The following PIEZO1 variants were observed in gnomAD, a reference collection of about 807,000 sequenced individuals.
PIEZO1 encodes piezo type mechanosensitive ion channel component 1 (Er blood group), also known as piezo-type mechanosensitive ion channel component 1.
A neutral mutation model predicts 297.2 loss-of-function variants in PIEZO1; 296 were observed. The observed-to-expected ratio is 1.00, with a 90% CI of 0.91 to 1.10. PIEZO1 has a LOEUF of 1.10. Among genes scored for constraint, PIEZO1 ranks in the 50% least tolerant of loss-of-function variants. The pLI is 0.00. For missense variants in PIEZO1, 5,018 were observed against 3,455.5 expected (o/e 1.45, Z -11.34); for synonymous variants, 2,427 against 1,507.5 (o/e 1.61, Z -14.13).
chr16:88,759,600 C>T (rs1188615272), intron 1 of PIEZO1, among the ~76,000 whole-genome samples: 1 of 152,224 alleles, frequency 6.6e-6, no homozygotes, highest in East Asian at 1.9e-4. Context: ...GGCCGCTGCT[C>T]TGCCCTGCTC....
chr16:88,730,125 G>C (rs1172025652), intron 22 of PIEZO1, among the ~76,000 whole-genome samples: 1 of 152,268 alleles, frequency 6.6e-6, no homozygotes, highest in African/African-American at 2.4e-5. Context: ...ACAAGGAAGA[G>C]CTGGAGGGCC....
At chr16:88,737,897 G>A (rs1316220233) in intron 8 of PIEZO1, 37 bp downstream of exon 8, 3 of 1,531,386 alleles carry the variant, frequency 2.0e-6, no homozygotes, top group South Asian at 2.4e-5. Flanking sequence ...CCCATGGCCT[G>A]GCCTCAGCCC....
chr16:88,721,914 G>A lies in PIEZO1; in HGVS notation c.5108C>T (p.Ala1703Val), dbSNP rs1210800407. The A allele has an allele frequency of 1.9e-6, 3 of 1,550,200 alleles. No homozygotes were observed. The highest frequency in any genetic ancestry group is 1.7e-6 in the Non-Finnish European group (2 of 1,146,826). ...FIIILNHMVT[A>V]SAGSLVLPVL... ...GGGCAGCACCAGCGAGCCGGCGGAGGCCGTGACCATGTGGTTGAGGATGAT... is the reference window on the plus strand; with the variant it reads ...GGGCAGCACCAGCGAGCCGGCGGAGACCGTGACCATGTGGTTGAGGATGAT... The change falls in exon 37 of 51, where the codon GCC becomes GTC. Residue 1703 changes from alanine (A) to valine (V), a missense_variant. Physicochemically the swap from Ala to Val is moderately conservative, Grantham distance 64. Transcript: ENST00000301015.
chr16:88,737,555 T>G lies in PIEZO1; in HGVS notation c.1195+4A>C, dbSNP rs1359750955. ...AGCCATACCTTGCAGTGTGCGGTAC[T>G]CACCAGGCCGCCGCAGGACGGAGCT... On this transcript the variant is annotated splice_donor_region_variant and intron_variant, in intron 10 of 50. Transcript: ENST00000301015. The G allele has an allele frequency of 6.5e-7, 1 of 1,528,692 alleles. No individual in the cohort carries two copies. The highest frequency in any genetic ancestry group is 2.4e-5 in the East Asian group (1 of 40,872). The allele number at this position is 1,528,692 out of a possible 1,614,324, so 94.7% of individuals were successfully genotyped here.
chr16:88,774,591 G>C (rs2142903681), intron 1 of PIEZO1, among the ~76,000 whole-genome samples: 1 of 152,304 alleles, frequency 6.6e-6, no homozygotes, highest in South Asian at 2.1e-4. Flanking sequence ...CGCTGGCCCA[G>C]CTGCAGGTCT....
intron 2 of PIEZO1, chr16:88,742,696 G>A (rs1326067943): frequency 6.3e-6 from 3 of 479,928 alleles, no homozygotes; most frequent in Non-Finnish European, 1.1e-5. Context: ...CCCAGGCTCA[G>A]AGGAAACCAC....
rs555991841 is a variant in PIEZO1, at chr16:88,741,583, C to A, written c.360G>T (p.Arg120=). Residue 120 remains arginine (R), a synonymous_variant, in exon 5 of 51, where the codon CGG becomes CGT. Coordinates refer to ENST00000301015, the MANE Select transcript of PIEZO1 (RefSeq NM_001142864.4). Reference sequence around the variant, plus strand: ...AGATGCCCAGGTCAGGGGCCACCAGCCGGATGGCGTTGGGGATGTCCTTCA... The same window carrying A: ...AGATGCCCAGGTCAGGGGCCACCAGACGGATGGCGTTGGGGATGTCCTTCA... ...LDLKDIPNAI[R]LVAPDLGILV... The A allele has an allele frequency of 7.8e-6, 12 of 1,535,300 alleles. 1 individual carries two copies. In the South Asian group the frequency reaches 8.3e-5, roughly 11 times the overall value.
Position 88,720,400 on chromosome 16 carries a change from G to T in PIEZO1, c.5934C>A (p.Gly1978=). ...CCTGGCTCACCCCAAAGGCCCAGAA[G>T]CCAAAAATGATGATGATGAAGTCGA... is the stretch of plus-strand genomic sequence containing the variant. ...DVVDFIIIIF[G]FWAFGKHSAA... is the part of the protein sequence containing the mutation. The change falls in exon 41 of 51, where the codon GGC becomes GGA. Residue 1978 remains glycine (G), a synonymous_variant. Coordinates refer to ENST00000301015, the MANE Select transcript of PIEZO1 (RefSeq NM_001142864.4). 2 of 1,550,266 alleles carry T rather than the reference G, an allele frequency of 1.3e-6. No individual in the cohort carries two copies. The highest frequency in any genetic ancestry group is 1.7e-6 in the Non-Finnish European group (2 of 1,146,906).
chr16:88,749,045 G>A (rs916412366), intron 2 of PIEZO1, among the ~76,000 whole-genome samples: 10 of 151,508 alleles, frequency 6.6e-5, no homozygotes, highest in East Asian at 1.9e-4. Flanking sequence ...AGACCATCCT[G>A]GCTATCACGG....
chr16:88,757,163 C>T (rs1040506028), intron 1 of PIEZO1, among the ~76,000 whole-genome samples: 2 of 152,146 alleles, frequency 1.3e-5, no homozygotes, highest in African/African-American at 4.8e-5. Context: ...GATGGCAATC[C>T]AGGTTTAGAC....
rs189520183 is a variant in PIEZO1 at position 88,721,290 on chromosome 16, G to A, written c.5544C>T (p.Val1848=). The change falls in exon 39 of 51, where the codon GTC becomes GTT. Residue 1848 remains valine, a synonymous_variant. Transcript: ENST00000301015. The part of the protein sequence containing the change: ...TEDHIQVEAR[V]GPTDGTPEPQ... ...GTTCTGGGGTCCCGTCCGTGGGTCCGACCCTGGCTTCCACCTGAATGTGGT... is the reference window on the plus strand; with the variant it reads ...GTTCTGGGGTCCCGTCCGTGGGTCCAACCCTGGCTTCCACCTGAATGTGGT... 66 of 1,545,062 alleles carry A rather than the reference G, an allele frequency of 4.3e-5. No individual in the cohort carries two copies. Among genetic ancestry groups the A allele is most frequent in the African/African-American group, 2.5e-4 (18 of 73,080 alleles).
Position 88,757,561 on chromosome 16 carries a change from G to A in PIEZO1, c.65-8082C>T, listed in dbSNP as rs114427265. 5.2e-3 allele frequency among the ~76,000 whole-genome samples: 796 copies of A among 152,182 alleles called. 8 individuals carry two copies. The highest frequency in any genetic ancestry group is 7.2e-3 in the Non-Finnish European group (488 of 68,002). ...GGAAGTGGAGCCAATGGGCTGGACT[G>A]AGATCCCATCTCCACCTTCTCCAGG... is the stretch of plus-strand genomic sequence containing the variant. On this transcript the variant is annotated intron_variant, in intron 1 of 50. Transcript: ENST00000301015.
At chr16:88,724,542 A>C (rs987920169) in intron 30 of PIEZO1, among the ~76,000 whole-genome samples, 1 of 151,450 alleles carries the variant, frequency 6.6e-6, no homozygotes, top group Non-Finnish European at 1.5e-5. Flanking sequence ...AAAAAAAAAA[A>C]AAAAAGGCCT....
chr16:88,736,214 G>A lies in PIEZO1; in HGVS notation c.1491C>T (p.Gly497=). Residue 497 remains glycine, a synonymous_variant, in exon 12 of 51, where the codon GGC becomes GGT. Transcript: ENST00000301015. ...DLRPELPTTL[G]PVSLRQLGLE... ...GCCCCAGCTGGCGCAGGCTGACGGG[G>A]CCCAGGGTGGTGGGCAGCTCAGGGC... The A allele has an allele frequency of 6.5e-7, 1 of 1,549,890 alleles. No homozygotes were observed. Among genetic ancestry groups the A allele is most frequent in the Non-Finnish European group, 8.7e-7 (1 of 1,146,786 alleles).
rs183228217 is a variant in PIEZO1 at position 88,750,712 on chromosome 16, G to A, written c.65-1233C>T. The stretch of plus-strand genomic sequence containing the variant: ...ATGTGAGGTTTGTCAGGAGATGAGG[G>A]GTGGGGCCTGATGTCGTCTCCTCGC... On this transcript the variant is annotated intron_variant, in intron 1 of 50. Coordinates refer to ENST00000301015, the MANE Select transcript of PIEZO1 (RefSeq NM_001142864.4). Among the ~76,000 whole-genome samples the A allele has an allele frequency of 7.8e-3, 1,192 of 152,352 alleles. 12 individuals carry two copies. The highest frequency in any genetic ancestry group is 0.031 in the Middle Eastern group (9 of 294).
At chr16:88,775,083 G>A (rs1249585045) in intron 1 of PIEZO1, among the ~76,000 whole-genome samples, 2 of 152,168 alleles carry the variant, frequency 1.3e-5, no homozygotes, top group South Asian at 2.1e-4. Flanking sequence ...GTTCCCGGCC[G>A]TACCCGTGAC....
At chr16:88,731,535 C>G in intron 22 of PIEZO1, 171 bp downstream of exon 22, 1 of 590,138 alleles carries the variant, frequency 1.7e-6, no homozygotes, top group Non-Finnish European at 3.0e-6. Flanking sequence ...CCCCGAGAGA[C>G]AGGATGCAGG....
Position 88,742,287 on chromosome 16 carries a change from CT to C in PIEZO1, c.283+12del. On this transcript the variant is annotated intron_variant, in intron 3 of 50. Coordinates refer to ENST00000301015, the MANE Select transcript of PIEZO1 (RefSeq NM_001142864.4). ...AGGATGGCTATCCCTACCCCGCCCC[CT>C]CAGCGACTCACAGCTGGGTCCCAGG... 1 of 1,529,028 alleles carries C rather than the reference CT, an allele frequency of 6.5e-7. No individual in the cohort carries two copies. The highest frequency in any genetic ancestry group is 8.8e-7 in the Non-Finnish European group (1 of 1,142,600). 94.7% of individuals were successfully genotyped at this position (1,529,028 alleles called of 1,614,324 possible).
At chr16:88,748,229 T>C (rs1054483727) in intron 2 of PIEZO1, among the ~76,000 whole-genome samples, 1 of 46,846 alleles carries the variant, frequency 2.1e-5, no homozygotes, top group Non-Finnish European at 4.4e-5. Context: ...CCACCCACGT[T>C]TGGCCCATGG....
Sources: gnomAD v4.1 joint callset for allele counts (sites outside exome capture counted in the v4.1 genomes callset) on GRCh38, gnomAD v4.1.1 for gene constraint, MANE v1.5 for transcripts, NCBI Gene and HGNC (gene_info 2026-07-23, HGNC 2026-07-21) for gene names.